SNX29: variants seen among roughly 807,000 people sequenced by gnomAD.
The protein encoded by SNX29 is sorting nexin-29.
SNX29 carries 78 observed loss-of-function variants against 102.1 expected under a neutral mutation model. That is an observed-to-expected ratio of 0.76 (90% CI 0.64 to 0.92). SNX29 has a LOEUF of 0.92. Among genes scored for constraint, SNX29 ranks in the 40% least tolerant of loss-of-function variants. The pLI is 0.00. For synonymous variants in SNX29, 580 were observed against 414.5 expected (o/e 1.40, Z -4.85); for missense variants, 1,280 against 1,061.7 (o/e 1.21, Z -2.86).
At chr16:12,477,607 G>T in intron 18 of SNX29, 112 bp from the exon 19 acceptor site, 1 of 1,283,894 alleles carries the variant, frequency 7.8e-7, no homozygotes. Context: ...AGTGGTGTGT[G>T]ACACAGATGT....
At chr16:12,001,315 G>T (rs2056278768) in intron 2 of SNX29, among the ~76,000 whole-genome samples, 1 of 152,086 alleles carries the variant, frequency 6.6e-6, no homozygotes, top group Non-Finnish European at 1.5e-5. Context: ...GTTTCACCAT[G>T]TTGGCCAGGC....
chr16:12,093,282 G>A (rs943127903), intron 11 of SNX29, among the ~76,000 whole-genome samples: 1 of 152,216 alleles, frequency 6.6e-6, no homozygotes, highest in African/African-American at 2.4e-5. Context: ...GGGATGGAAA[G>A]AACATGGGTC....
chr16:12,479,760 T>A (rs1044932047), intron 19 of SNX29, among the ~76,000 whole-genome samples: 5 of 152,216 alleles, frequency 3.3e-5, no homozygotes, highest in African/African-American at 1.2e-4. Context: ...TTATAAGACA[T>A]TCTTATGTGC....
chr16:12,562,164 G>C (rs924330697), intron 20 of SNX29, among the ~76,000 whole-genome samples: 8 of 152,158 alleles, frequency 5.3e-5, no homozygotes, highest in African/African-American at 1.9e-4. Context: ...TGTGGAGTAA[G>C]ATTGAGGTCT....
At position 12,156,068 on chromosome 16, in the gene SNX29, G is replaced by A. The variant is rs562134109; in HGVS notation, c.1595+26310G>A. Among the ~76,000 whole-genome samples the A allele has an allele frequency of 8.5e-5, 13 of 152,262 alleles. No homozygotes were observed. The East Asian group carries it at 1.4e-3, about 16-fold the overall frequency. On this transcript the variant is annotated intron_variant, in intron 13 of 20. Transcript: ENST00000566228. ...TTTGCTGTTCCTTAACGTGCGTGGC[G>A]CACACCCCCCCACATCTCCTTGAAG...
Position 12,116,463 on chromosome 16 carries a change from A to G in SNX29, c.1403-10170A>G, listed in dbSNP as rs1052253506. 5.3e-5 allele frequency among the ~76,000 whole-genome samples: 8 copies of G among 152,358 alleles called. No individual in the cohort carries two copies. In the South Asian group the frequency reaches 1.7e-3, roughly 32 times the overall value. The stretch of plus-strand genomic sequence containing the variant: ...AAGGCGGGGTGGATCACTTGAGGTC[A>G]GGAGTTTGAGACCAGCCTGGCCAAC... On this transcript the variant is annotated intron_variant, in intron 11 of 20. Coordinates refer to ENST00000566228, the MANE Select transcript of SNX29 (RefSeq NM_032167.5).
At chr16:12,545,894 G>T (rs1464458982) in intron 20 of SNX29, among the ~76,000 whole-genome samples, 2 of 152,118 alleles carry the variant, frequency 1.3e-5, no homozygotes, top group Non-Finnish European at 2.9e-5. Flanking sequence ...TTGGGGTGGG[G>T]TACCTGGAGC....
At chr16:12,364,675 A>G (rs1407439684) in intron 16 of SNX29, among the ~76,000 whole-genome samples, 1 of 152,172 alleles carries the variant, frequency 6.6e-6, no homozygotes, top group African/African-American at 2.4e-5. Flanking sequence ...GTTTGTTCCC[A>G]TGGTGGATGC....
At chr16:12,548,918 C>G (rs962302872) in intron 20 of SNX29, among the ~76,000 whole-genome samples, 23 of 152,210 alleles carry the variant, frequency 1.5e-4, no homozygotes, top group African/African-American at 2.9e-4. Flanking sequence ...TGTAGGTATT[C>G]TTCAGTACCT....
intron 11 of SNX29, among the ~76,000 whole-genome samples, chr16:12,088,812 G>A (rs376958474): frequency 4.1e-4 from 62 of 152,280 alleles, no homozygotes; most frequent in African/African-American, 1.4e-3. Flanking sequence ...TTGGCCAGGT[G>A]CAGTGGCCCA....
chr16:12,461,532 G>C (rs2086774904), intron 18 of SNX29, among the ~76,000 whole-genome samples: 1 of 152,138 alleles, frequency 6.6e-6, no homozygotes, highest in African/African-American at 2.4e-5. Context: ...TTTTTCAGAG[G>C]CTCTGGTGCT....
rs1003020344 is a variant in SNX29, at chr16:12,537,985, A to T, written c.2318+13144A>T. Among the ~76,000 whole-genome samples, 5 of 19,668 alleles carry T rather than the reference A, an allele frequency of 2.5e-4. No homozygotes were observed. The African/African-American group carries it at 6.4e-3, about 25-fold the overall frequency. 12.9% of individuals were successfully genotyped at this position (19,668 alleles called of 152,430 possible). A position where few individuals can be genotyped will look rare whatever the true frequency, so the allele number is the denominator to read the frequency against. ...GGGCAATAGAGCAAAACTCCGTTTC[A>T]AAAAAAAAAAAAAAAAAATTGTCTG... On this transcript the variant is annotated intron_variant, in intron 20 of 20. Coordinates refer to ENST00000566228, the MANE Select transcript of SNX29 (RefSeq NM_032167.5).
chr16:12,540,354 C>T (rs980147031), intron 20 of SNX29, among the ~76,000 whole-genome samples: 3 of 152,176 alleles, frequency 2.0e-5, no homozygotes, highest in Admixed American at 1.3e-4. Context: ...ACGTTATCCC[C>T]TGTATTAATT....
intron 11 of SNX29, among the ~76,000 whole-genome samples, chr16:12,083,883 C>T (rs571823034): frequency 1.3e-5 from 2 of 152,224 alleles, no homozygotes; most frequent in African/African-American, 2.4e-5. Context: ...GTGGCTGCCT[C>T]TGTACTGTAA....
Position 12,025,302 on chromosome 16 carries a change from C to CAAAAAAAAAA in SNX29, c.123-2005_123-1996dup, listed in dbSNP as rs35724715. On this transcript the variant is annotated intron_variant, in intron 3 of 20. Transcript: ENST00000566228. Reference sequence around the variant, plus strand: ...GGGCAACAAGAGCAAAACTCCATCTCAAAAAAAAAAAAAAAAAAAAAAGTG... The same window carrying CAAAAAAAAAA: ...GGGCAACAAGAGCAAAACTCCATCTCAAAAAAAAAAAAAAAAAAAAAAAAAAAAAAAAGTG... Among the ~76,000 whole-genome samples the CAAAAAAAAAA allele has an allele frequency of 1.7e-4, 10 of 60,538 alleles. 1 individual carries two copies. The highest frequency in any genetic ancestry group is 2.3e-4 in the Non-Finnish European group (8 of 35,320). The allele number at this position is 60,538 out of a possible 152,430, so 39.7% of individuals were successfully genotyped here.
chr16:12,356,713 C>T (rs1228423778), intron 16 of SNX29, among the ~76,000 whole-genome samples: 2 of 152,218 alleles, frequency 1.3e-5, no homozygotes, highest in Non-Finnish European at 1.5e-5. Context: ...GAGTAATCCA[C>T]GTACATCAGG....
intron 3 of SNX29, among the ~76,000 whole-genome samples, chr16:12,022,858 G>A (rs990148096): frequency 5.5e-5 from 8 of 146,290 alleles, no homozygotes; most frequent in Non-Finnish European, 1.0e-4. Context: ...TATTTTCAAT[G>A]TTCTTCCATG....
chr16:12,135,314 T>G (rs539738146), intron 13 of SNX29, among the ~76,000 whole-genome samples: 6 of 152,324 alleles, frequency 3.9e-5, no homozygotes, highest in African/African-American at 1.2e-4. Flanking sequence ...TCCCCCAATT[T>G]TCCTTGGTGG....
chr16:12,199,141 C>T (rs2076851907), intron 13 of SNX29, among the ~76,000 whole-genome samples: 1 of 152,212 alleles, frequency 6.6e-6, no homozygotes, highest in African/African-American at 2.4e-5. Flanking sequence ...TCTATACAGA[C>T]ACTTGACATG....
Sources: allele counts gnomAD v4.1 joint callset (sites outside exome capture counted in the v4.1 genomes callset), GRCh38; gene constraint gnomAD v4.1.1; transcripts MANE v1.5; gene names NCBI Gene and HGNC (gene_info 2026-07-23, HGNC 2026-07-21).